RMND1: variants seen among roughly 807,000 people sequenced by gnomAD.
The protein encoded by RMND1 is required for meiotic nuclear division protein 1 homolog.
In RMND1, 41 loss-of-function variants were observed where a neutral mutation model predicts 54.0. The observed-to-expected ratio is 0.76, with a 90% confidence interval of 0.59 to 0.98. The LOEUF is 0.98. RMND1 is among the 50% of genes least tolerant of loss of function. RMND1 has a pLI of 0.00. For missense variants in RMND1, 457 were observed against 532.0 expected (o/e 0.86, Z 1.39); for synonymous variants, 183 against 181.7 (o/e 1.01, Z -0.06).
intron 1 of RMND1, among the ~76,000 whole-genome samples, chr6:151,449,252 CCA>C (rs971238793): frequency 1.3e-5 from 2 of 151,210 alleles, no homozygotes; most frequent in African/African-American, 4.9e-5. Flanking sequence ...GCCTGTAATC[CCA>C]GTTACTCGGG....
At chr6:151,415,427 CGA>C (rs1296290129) in intron 10 of RMND1, among the ~76,000 whole-genome samples, 1 of 151,128 alleles carries the variant, frequency 6.6e-6, no homozygotes, top group African/African-American at 2.4e-5. Context: ...ATCTATGCAA[CGA>C]GATATATTAA....
In RMND1 at chr6:151,445,662, C is replaced by CA. The variant is rs911609355; in HGVS notation, c.149dup (p.Leu50PhefsTer7). Reference sequence around the variant, plus strand: ...CTGTTTTATCAGGAAGGAACAAATCCAAGCTTTGACGTATTGTCAGTGTGC... The same window carrying CA: ...CTGTTTTATCAGGAAGGAACAAATCCAAAGCTTTGACGTATTGTCAGTGTGC... On this transcript the variant is annotated frameshift_variant, in exon 2 of 12. Transcript: ENST00000444024. LOFTEE classifies it high-confidence loss of function. The CA allele has an allele frequency of 1.9e-6, 3 of 1,614,022 alleles. No individual in the cohort carries two copies. Among genetic ancestry groups the CA allele is most frequent in the Non-Finnish European group, 2.5e-6 (3 of 1,180,014 alleles).
chr6:151,426,772 T>G (rs1780307477), intron 6 of RMND1, among the ~76,000 whole-genome samples: 1 of 152,114 alleles, frequency 6.6e-6, no homozygotes, highest in Non-Finnish European at 1.5e-5. Context: ...AGTAATCTTT[T>G]TCCTCTTTTT....
At position 151,423,556 on chromosome 6, in the gene RMND1, C is replaced by T; in HGVS notation, c.906G>A (p.Lys302=). The part of the protein sequence containing the change: ...ELDLDDAILE[K]FAFSNALCLS... ...GGCATAGAGCATTGGAGAAAGCAAACTTCTCTAGAATGGCATCATCTAAAT... is the reference window on the plus strand; with the variant it reads ...GGCATAGAGCATTGGAGAAAGCAAATTTCTCTAGAATGGCATCATCTAAAT... The change falls in exon 7 of 12, where the codon AAG becomes AAA. Residue 302 remains lysine (K), a synonymous_variant. Transcript: ENST00000444024. 1 of 1,613,880 alleles carries T rather than the reference C, an allele frequency of 6.2e-7. No individual in the cohort carries two copies. The highest frequency in any genetic ancestry group is 8.5e-7 in the Non-Finnish European group (1 of 1,179,796).
chr6:151,406,632 G>A (rs1779631508), intron 10 of RMND1, among the ~76,000 whole-genome samples: 1 of 152,132 alleles, frequency 6.6e-6, no homozygotes, highest in Non-Finnish European at 1.5e-5. Context: ...TTACAGGCGT[G>A]AGCCACCGTG....
At chr6:151,436,132 AACACACACAG>A (rs1236178261) in intron 3 of RMND1, 1 of 202,854 alleles carries the variant, frequency 4.9e-6, no homozygotes, top group Non-Finnish European at 1.0e-5. Context: ...AAAAACACAA[AACACACACAG>A]ACACACACAA....
intron 2 of RMND1, chr6:151,444,986 TTA>T: frequency 9.2e-6 from 2 of 216,448 alleles, no homozygotes; most frequent in African/African-American, 4.7e-5. Context: ...TTTTTTTATT[TTA>T]TTTTTTTTTA....
chr6:151,430,376 ACCT>A (rs1404089049), intron 4 of RMND1, among the ~76,000 whole-genome samples, 199 bp from the exon 5 acceptor site: 1 of 152,296 alleles, frequency 6.6e-6, no homozygotes, highest in African/African-American at 2.4e-5. Flanking sequence ...ATAAAACCTG[ACCT>A]CCTCAAAATT....
intron 10 of RMND1, among the ~76,000 whole-genome samples, chr6:151,406,740 C>G (rs946319406): frequency 6.6e-6 from 1 of 152,144 alleles, no homozygotes; most frequent in Non-Finnish European, 1.5e-5. Flanking sequence ...AACAGTTTGT[C>G]TCATGGGTAT....
chr6:151,418,892 T>G (rs1430924687), intron 9 of RMND1, among the ~76,000 whole-genome samples: 1 of 151,874 alleles, frequency 6.6e-6, no homozygotes, highest in Non-Finnish European at 1.5e-5. Flanking sequence ...TGCCTCAGCC[T>G]CCCGAGTAGC....
chr6:151,424,889 C>CTGAGA (rs201315361), intron 6 of RMND1, among the ~76,000 whole-genome samples: 1 of 151,984 alleles, frequency 6.6e-6, no homozygotes, highest in Non-Finnish European at 1.5e-5. Context: ...TGATGGAGGG[C>CTGAGA]GGCATCTGCT....
chr6:151,436,273 T>C (rs1780609727), intron 3 of RMND1, 173 bp downstream of exon 3: 1 of 662,524 alleles, frequency 1.5e-6, no homozygotes, highest in African/African-American at 1.8e-5. Context: ...TCTCTGTAAA[T>C]ACATTTTAAT....
rs774762705 is a variant in RMND1, at chr6:151,417,230, A to C, written c.1200+49T>G. ...GCAAGCAGTTAAACATATTCAACTT[A>C]TAGGCGACAACGTGTCTTTTTCTCT... On this transcript the variant is annotated intron_variant, in intron 10 of 11. Transcript: ENST00000444024. 10 of 1,567,740 alleles carry C rather than the reference A, an allele frequency of 6.4e-6. No homozygotes were observed. In the Admixed American group the frequency reaches 2.1e-4, roughly 32 times the overall value.
chr6:151,442,284 C>T (rs1265615769), intron 2 of RMND1, among the ~76,000 whole-genome samples: 2 of 140,764 alleles, frequency 1.4e-5, no homozygotes, highest in Admixed American at 6.8e-5. Flanking sequence ...TGCTTACACA[C>T]CAATTGCCAC....
chr6:151,439,978 A>G (rs1780728395), intron 2 of RMND1, among the ~76,000 whole-genome samples: 2 of 151,822 alleles, frequency 1.3e-5, no homozygotes, highest in African/African-American at 4.8e-5. Flanking sequence ...ATTTTTTGAG[A>G]CGGAGTCTTC....
rs560164136 is a variant in RMND1, at chr6:151,435,821, C to T, written c.613+625G>A. On this transcript the variant is annotated intron_variant, in intron 3 of 11. Coordinates refer to ENST00000444024, the MANE Select transcript of RMND1 (RefSeq NM_017909.4). The stretch of plus-strand genomic sequence containing the variant: ...TGGTTCTTCTATAAGACTAAAATAA[C>T]GGGCTGGGTGTGGTGGCTCAAACCT... Among the ~76,000 whole-genome samples the T allele has an allele frequency of 3.4e-5, 5 of 149,182 alleles. No individual in the cohort carries two copies. In the South Asian group the frequency reaches 8.9e-4, roughly 27 times the overall value.
chr6:151,440,631 C>CT (rs1780746388), intron 2 of RMND1, among the ~76,000 whole-genome samples: 1 of 152,214 alleles, frequency 6.6e-6, no homozygotes, highest in Admixed American at 6.5e-5. Flanking sequence ...TCCAATGTCA[C>CT]TCAGCTTATA....
chr6:151,442,936 CAG>C (rs1245228673), intron 2 of RMND1, among the ~76,000 whole-genome samples: 1 of 152,122 alleles, frequency 6.6e-6, no homozygotes, highest in African/African-American at 2.4e-5. Context: ...TTCCAACAGA[CAG>C]GGTGACTGAA....
chr6:151,439,965 ATT>A (rs912075665), intron 2 of RMND1, among the ~76,000 whole-genome samples: 25 of 150,758 alleles, frequency 1.7e-4, no homozygotes, highest in Admixed American at 5.3e-4. Context: ...CGGCCTATTT[ATT>A]ATTTTTTGAG....
Sources: gnomAD v4.1 joint callset for allele counts (sites outside exome capture counted in the v4.1 genomes callset) on GRCh38, gnomAD v4.1.1 for gene constraint, MANE v1.5 for transcripts, NCBI Gene and HGNC (gene_info 2026-07-23, HGNC 2026-07-21) for gene names.